Variants in CCDC18 observed in about 807,000 individuals in gnomAD.
CCDC18 encodes coiled-coil domain-containing protein 18.
A neutral mutation model predicts 196.0 loss-of-function variants in CCDC18; 157 were observed. The observed-to-expected ratio is 0.80, with a 90% CI of 0.70 to 0.91. The LOEUF is 0.91. Ranked by LOEUF, CCDC18 falls within the 40% of genes least tolerant of loss-of-function variation. CCDC18 has a pLI of 0.00. For synonymous variants in CCDC18, 482 were observed against 529.2 expected (o/e 0.91, Z 1.22); for missense variants, 1,465 against 1,611.6 (o/e 0.91, Z 1.56).
chr1:93,271,303 C>T, intron 28 of CCDC18: 1 of 985,272 alleles, frequency 1.0e-6, no homozygotes, highest in South Asian at 4.7e-5. Flanking sequence ...ATAAGGCCAA[C>T]TGTCCTCATC....
At chr1:93,192,213 T>C (rs1461115082) in intron 5 of CCDC18, 107 bp downstream of exon 5, 1 of 728,516 alleles carries the variant, frequency 1.4e-6, no homozygotes, top group African/African-American at 1.8e-5. Context: ...AGTAACCTAA[T>C]GGTGTTCAGC....
intron 11 of CCDC18, among the ~76,000 whole-genome samples, chr1:93,213,952 CTT>C (rs1181594044): frequency 1.3e-5 from 2 of 152,152 alleles, no homozygotes; most frequent in Non-Finnish European, 2.9e-5. Context: ...CAAAGTGTAT[CTT>C]GTTTCCACAT....
At position 93,201,969 on chromosome 1, in the gene CCDC18, T is replaced by C; in HGVS notation, c.776T>C (p.Val259Ala). ...SKAFQQYKKK[V>A]AEKLEKVQAE... is the part of the protein sequence containing the mutation. ...GCTTTCCAACAATATAAAAAAAAAG[T>C]GGCTGAAAAACTGGAAAAGGTAAAA... Residue 259 changes from valine to alanine, a missense_variant, in exon 7 of 29, where the codon GTG becomes GCG. By Grantham distance (64) the Val-to-Ala change is moderately conservative. Transcript: ENST00000690025. The C allele has an allele frequency of 6.2e-7, 1 of 1,607,000 alleles. No homozygotes were observed. The highest frequency in any genetic ancestry group is 8.5e-7 in the Non-Finnish European group (1 of 1,175,870).
At chr1:93,183,638 G>A (rs1650125960) in intron 2 of CCDC18, 143 bp downstream of exon 2, 1 of 608,054 alleles carries the variant, frequency 1.6e-6, no homozygotes, top group African/African-American at 1.9e-5. Context: ...GTAACTTTCA[G>A]TTTAGGGAAA....
chr1:93,227,174 C>CTTT (rs36053002), intron 17 of CCDC18, among the ~76,000 whole-genome samples: 1,125 of 103,724 alleles, frequency 0.011, 30 homozygotes, highest in African/African-American at 0.014. Context: ...CATTGGAAAC[C>CTTT]TTTTTTTTTT....
In CCDC18 at chr1:93,190,986, C is replaced by T. The variant is rs925313993; in HGVS notation, c.463-1014C>T. 6 of 1,011,984 alleles carry T rather than the reference C, an allele frequency of 5.9e-6. No homozygotes were observed. The African/African-American group carries it at 7.5e-5, about 13-fold the overall frequency. The allele number at this position is 1,011,984 out of a possible 1,614,324, so 62.7% of individuals were successfully genotyped here. On this transcript the variant is annotated intron_variant, in intron 4 of 28. Transcript: ENST00000690025. ...ACAGAGAATCCTTGCCCTTCTTGTA[C>T]TGTGTCACTTTCTAGGGTTGGTGCT...
chr1:93,241,462 G>A (rs866549944), intron 21 of CCDC18, among the ~76,000 whole-genome samples: 11 of 151,768 alleles, frequency 7.2e-5, no homozygotes, highest in African/African-American at 1.2e-4. Flanking sequence ...GGTGGCTCAC[G>A]CCTGTAATCC....
Position 93,182,532 on chromosome 1 carries a change from T to C in CCDC18, c.-2-828T>C. Among the ~76,000 whole-genome samples the C allele has an allele frequency of 1.3e-5, 2 of 152,212 alleles. 1 individual carries two copies. The highest frequency in any genetic ancestry group is 3.8e-4 in the East Asian group (2 of 5,196). On this transcript the variant is annotated intron_variant, in intron 1 of 28. Transcript: ENST00000690025. ...GTAATTTTAAGATTGCGCAGAAAGC[T>C]CTGTAGTAGTGGAGATTATAAAGCT... is the stretch of plus-strand genomic sequence containing the variant.
In CCDC18 at chr1:93,195,121, T is replaced by C. The variant is rs1464088814; in HGVS notation, c.698+1377T>C. The stretch of plus-strand genomic sequence containing the variant: ...CCTGACCTCAAGTGATCCACCCTCC[T>C]TGGCCTCCCAAAGTGCTGGAATTAC... On this transcript the variant is annotated intron_variant, in intron 6 of 28. Coordinates refer to ENST00000690025, the MANE Select transcript of CCDC18 (RefSeq NM_001378204.1). Among the ~76,000 whole-genome samples, 4 of 152,192 alleles carry C rather than the reference T, an allele frequency of 2.6e-5. No individual in the cohort carries two copies. In the East Asian group the frequency reaches 7.7e-4, roughly 29 times the overall value.
chr1:93,180,798 GA>G lies in CCDC18; in HGVS notation c.-54del, dbSNP rs372602580. The G allele has an allele frequency of 1.2e-4, 165 of 1,367,788 alleles. No individual in the cohort carries two copies. The African/African-American group carries it at 2.3e-3, about 19-fold the overall frequency. 84.7% of individuals were successfully genotyped at this position (1,367,788 alleles called of 1,614,324 possible). On this transcript the variant is annotated 5_prime_UTR_variant, in exon 1 of 29. Transcript: ENST00000690025. ...GAGGCTTCCACGCGCAGGGGCCCGG[GA>G]AAGGGTCAGAGGCTTCCTAACGCAG...
intron 23 of CCDC18, among the ~76,000 whole-genome samples, chr1:93,247,191 C>G (rs749524348): frequency 6.6e-6 from 1 of 151,796 alleles, no homozygotes; most frequent in Admixed American, 6.6e-5. Context: ...CTCCCCAAAG[C>G]TTTGGGATTA....
At chr1:93,201,736 T>C (rs891160597) in intron 6 of CCDC18, among the ~76,000 whole-genome samples, 156 bp from the exon 7 acceptor site, 1 of 152,174 alleles carries the variant, frequency 6.6e-6, no homozygotes, top group Non-Finnish European at 1.5e-5. Context: ...ATGATCTACA[T>C]TCTTCATTTT....
intron 9 of CCDC18, 48 bp downstream of exon 9, chr1:93,207,446 G>A (rs766863415): frequency 8.7e-6 from 12 of 1,380,230 alleles, no homozygotes; most frequent in Non-Finnish European, 1.2e-5. Context: ...TTACTAAAGT[G>A]TTTTAGAAAA....
chr1:93,257,231 CAAAAAAAAAAAAAAA>C (rs71586787), intron 25 of CCDC18, among the ~76,000 whole-genome samples: 9 of 46,532 alleles, frequency 1.9e-4, no homozygotes, highest in South Asian at 1.1e-3. Context: ...GACTCCATCT[CAAAAAAAAAAAAAAA>C]AAAAAAAAAA....
At chr1:93,254,109 CTATT>C (rs1382949266) in intron 23 of CCDC18, among the ~76,000 whole-genome samples, 1 of 152,114 alleles carries the variant, frequency 6.6e-6, no homozygotes, top group Non-Finnish European at 1.5e-5. Flanking sequence ...AAAGTCTTCT[CTATT>C]TAATATAATG....
chr1:93,215,427 C>T (rs1656318739), intron 12 of CCDC18, among the ~76,000 whole-genome samples: 1 of 151,102 alleles, frequency 6.6e-6, no homozygotes, highest in Admixed American at 6.6e-5. Context: ...TATATGGGCA[C>T]AAGAGTCTGC....
chr1:93,264,609 GTAAA>G (rs1664244701), intron 26 of CCDC18, 88 bp from the exon 27 acceptor site: 3 of 711,146 alleles, frequency 4.2e-6, no homozygotes, highest in Non-Finnish European at 7.0e-6. Flanking sequence ...TAAAGAAAAA[GTAAA>G]TAAAAGTAGA....
Position 93,186,493 on chromosome 1 carries a change from C to A in CCDC18, c.452C>A (p.Ser151Ter). The A allele has an allele frequency of 6.3e-7, 1 of 1,599,208 alleles. No individual in the cohort carries two copies. The highest frequency in any genetic ancestry group is 1.1e-5 in the South Asian group (1 of 87,986). Residue 151 changes from serine to a stop codon, truncating the protein, a stop_gained, in exon 4 of 29, where the codon TCA becomes TAA. Coordinates refer to ENST00000690025, the MANE Select transcript of CCDC18 (RefSeq NM_001378204.1). LOFTEE classifies it high-confidence loss of function. The part of the protein sequence containing the change: ...FESIHFELTQ[S>*]RAKVSMLESA... ...TCTATTCACTTTGAATTAACACAGT[C>A]AAGAGCAAAAGTATGTATCTTGAAA...
At chr1:93,258,109 AT>A (rs1663270477) in intron 25 of CCDC18, among the ~76,000 whole-genome samples, 1 of 149,908 alleles carries the variant, frequency 6.7e-6, no homozygotes, top group Non-Finnish European at 1.5e-5. Flanking sequence ...ATAAAAATTA[AT>A]TAATAATAAT....
Sources: gnomAD v4.1 joint callset for allele counts (sites outside exome capture counted in the v4.1 genomes callset) on GRCh38, gnomAD v4.1.1 for gene constraint, MANE v1.5 for transcripts, NCBI Gene and HGNC (gene_info 2026-07-23, HGNC 2026-07-21) for gene names.